GK5: variants seen among roughly 807,000 people sequenced by gnomAD.
The protein encoded by GK5 is ATP:glycerol 3-phosphotransferase 5.
A neutral mutation model predicts 77.3 loss-of-function variants in GK5; 39 were observed. The ratio of observed to expected loss-of-function variants is 0.50; its 90% CI spans 0.39 to 0.66. The LOEUF (loss-of-function observed/expected upper bound fraction) is 0.66. Ranked by LOEUF, GK5 falls within the 30% of genes least tolerant of loss-of-function variation. The pLI, the probability that GK5 is intolerant of heterozygous loss-of-function variation, is 0.00. For synonymous variants in GK5, 211 were observed against 208.0 expected (o/e 1.01, Z -0.13); for missense variants, 487 against 633.8 (o/e 0.77, Z 2.49).
At position 142,225,441 on chromosome 3, in the gene GK5, G is replaced by A. The variant is rs763208032; in HGVS notation, c.15C>T (p.Leu5=). Reference sequence around the variant, plus strand: ...CCTGCGCTCTCTGCTCCGGGTCCGTGAGCAGCCCCGACATCCCGATCCCGC... The same window carrying A: ...CCTGCGCTCTCTGCTCCGGGTCCGTAAGCAGCCCCGACATCCCGATCCCGC... MSGL[L]TDPEQRAQEP... The change falls in exon 1 of 16, where the codon CTC becomes CTT. Residue 5 remains leucine, a synonymous_variant. Transcript: ENST00000392993. 2.1e-5 allele frequency: 33 copies of A among 1,603,124 alleles called. 1 individual carries two copies. Among genetic ancestry groups the A allele is most frequent in the South Asian group, 2.0e-4 (18 of 89,680 alleles).
chr3:142,213,776 A>T (rs2064231431), intron 2 of GK5, among the ~76,000 whole-genome samples, 175 bp from the exon 3 acceptor site: 1 of 150,044 alleles, frequency 6.7e-6, no homozygotes, highest in Non-Finnish European at 1.5e-5. Flanking sequence ...ATTCTGCAGC[A>T]TTTTTTTTTT....
chr3:142,177,928 G>A (rs1018995319), intron 11 of GK5, among the ~76,000 whole-genome samples: 7 of 148,014 alleles, frequency 4.7e-5, no homozygotes, highest in African/African-American at 7.5e-5. Context: ...GCGCAATCTC[G>A]GCTCACCGCA....
intron 1 of GK5, among the ~76,000 whole-genome samples, chr3:142,222,497 G>A (rs1010512041): frequency 3.9e-5 from 6 of 152,028 alleles, no homozygotes; most frequent in Non-Finnish European, 7.4e-5. Flanking sequence ...GCCGGGAGGC[G>A]GAGCTTGCAG....
intron 11 of GK5, among the ~76,000 whole-genome samples, chr3:142,181,010 T>C (rs2063689933): frequency 6.6e-6 from 1 of 152,178 alleles, no homozygotes; most frequent in Non-Finnish European, 1.5e-5. Context: ...GCAAAAGCAC[T>C]GAAAACTGAA....
chr3:142,174,952 G>GA (rs1036858167), intron 12 of GK5, among the ~76,000 whole-genome samples: 1 of 152,184 alleles, frequency 6.6e-6, no homozygotes, highest in African/African-American at 2.4e-5. Context: ...AAAAGTGTAA[G>GA]AAAAATGATG....
Position 142,160,809 on chromosome 3 carries a change from C to A in GK5, c.*4813G>T, listed in dbSNP as rs74424138. 0.16 allele frequency: 24,294 copies of A among 151,546 alleles called. 2,431 individuals are homozygous for A. The highest frequency in any genetic ancestry group is 0.29 in the African/African-American group (11,854 of 41,320). 9.4% of individuals were successfully genotyped at this position (151,546 alleles called of 1,614,324 possible). A position where few individuals can be genotyped will look rare whatever the true frequency, so the allele number is the denominator to read the frequency against. On this transcript the variant is annotated 3_prime_UTR_variant, in exon 16 of 16. Transcript: ENST00000392993. ...TCATAGCTCATAGCACCCTCAAACT[C>A]CTGTGTTCAAGCGATTCTCCTGCTT...
chr3:142,213,512 C>T lies in GK5; in HGVS notation c.317+14G>A, dbSNP rs377305899. 2.4e-5 allele frequency: 37 copies of T among 1,529,014 alleles called. No individual in the cohort carries two copies. In the East Asian group the frequency reaches 7.9e-4, roughly 32 times the overall value. The allele number at this position is 1,529,014 out of a possible 1,614,324, so 94.7% of individuals were successfully genotyped here. On this transcript the variant is annotated intron_variant, in intron 3 of 15. Coordinates refer to ENST00000392993, the MANE Select transcript of GK5 (RefSeq NM_001039547.3). The stretch of plus-strand genomic sequence containing the variant: ...GAACCCAGCAGTAGGGTGCTTATCA[C>T]AGAATGTACTTACTTGTTCCACGTA...
At position 142,215,683 on chromosome 3, in the gene GK5, G is replaced by C; in HGVS notation, c.157C>G (p.Leu53Val). The change falls in exon 2 of 16, where the codon CTT (leucine) becomes GTT (valine). Residue 53 changes from leucine to valine, a missense_variant. By Grantham distance (32) the Leu-to-Val change is conservative. Coordinates refer to ENST00000392993, the MANE Select transcript of GK5 (RefSeq NM_001039547.3). ...CGSSVQKVEN[L>V]YPQIGWVEID... ...TCTACCCAGCCAATTTGAGGATAAAGATTTTCTACCTATTAAGGAAAAGAA... is the reference window on the plus strand; with the variant it reads ...TCTACCCAGCCAATTTGAGGATAAACATTTTCTACCTATTAAGGAAAAGAA... The C allele has an allele frequency of 6.5e-7, 1 of 1,550,184 alleles. No individual in the cohort carries two copies. Among genetic ancestry groups the C allele is most frequent in the Non-Finnish European group, 8.9e-7 (1 of 1,125,192 alleles).
At chr3:142,212,681 T>C (rs79087460) in intron 3 of GK5, among the ~76,000 whole-genome samples, 3,078 of 152,334 alleles carry the variant, frequency 0.02, 45 homozygotes, top group Non-Finnish European at 0.03. Flanking sequence ...TATTTCTCTG[T>C]AAAAACAGAT....
chr3:142,194,525 C>T (rs542596150), intron 5 of GK5, among the ~76,000 whole-genome samples: 144 of 145,028 alleles, frequency 9.9e-4, no homozygotes, highest in African/African-American at 2.4e-3. Flanking sequence ...GACTCCATCT[C>T]GAAAAAAAAA....
rs750444725 is a variant in GK5 at position 142,165,620 on chromosome 3, T to C, written c.*2A>G. On this transcript the variant is annotated 3_prime_UTR_variant, in exon 16 of 16. Coordinates refer to ENST00000392993, the MANE Select transcript of GK5 (RefSeq NM_001039547.3). ...CTATGGTTTTGATCATTTCATTTAG[T>C]GTTATGTCTTGTTATACCAATTCAT... 1.2e-5 allele frequency: 19 copies of C among 1,605,248 alleles called. No homozygotes were observed. Among genetic ancestry groups the C allele is most frequent in the Non-Finnish European group, 1.6e-5 (19 of 1,177,000 alleles).
chr3:142,185,548 T>C, intron 9 of GK5: 1 of 1,033,368 alleles, frequency 9.7e-7, no homozygotes. Context: ...TAACACTGTT[T>C]GTGGTTACAC....
intron 5 of GK5, among the ~76,000 whole-genome samples, chr3:142,191,595 TG>T (rs1370955132): frequency 6.6e-6 from 1 of 151,440 alleles, no homozygotes; most frequent in Non-Finnish European, 1.5e-5. Flanking sequence ...CCCAGTACTT[TG>T]GGAGGCCGAG....
intron 4 of GK5, chr3:142,204,353 A>AATATATAG (rs2064071173): frequency 2.9e-6 from 1 of 340,136 alleles, no homozygotes; most frequent in Admixed American, 4.2e-5. Context: ...AGTTATCTAT[A>AATATATAG]ATATCTCAAT....
chr3:142,185,605 TCA>T, intron 9 of GK5: 1 of 1,122,744 alleles, frequency 8.9e-7, no homozygotes, highest in Non-Finnish European at 1.1e-6. Context: ...GTGTTTTGTC[TCA>T]GAGTACCAAA....
chr3:142,223,366 T>C (rs1418102292), intron 1 of GK5, among the ~76,000 whole-genome samples: 1 of 152,252 alleles, frequency 6.6e-6, no homozygotes, highest in African/African-American at 2.4e-5. Context: ...GTTTTTGTGA[T>C]AAATACTCTT....
chr3:142,219,351 G>A (rs570847476), intron 1 of GK5, among the ~76,000 whole-genome samples: 74 of 152,240 alleles, frequency 4.9e-4, no homozygotes, highest in Non-Finnish European at 9.0e-4. Flanking sequence ...TTCAACAGGT[G>A]AATGAATGTA....
Position 142,160,781 on chromosome 3 carries a change from C to T in GK5, c.*4841G>A, listed in dbSNP as rs2063419506. The T allele has an allele frequency of 6.6e-6, 1 of 152,096 alleles. No individual in the cohort carries two copies. Among genetic ancestry groups the T allele is most frequent in the African/African-American group, 2.4e-5 (1 of 41,410 alleles). 9.4% of individuals were successfully genotyped at this position (152,096 alleles called of 1,614,324 possible). On this transcript the variant is annotated 3_prime_UTR_variant, in exon 16 of 16. Transcript: ENST00000392993. ...TTGCCCAGGCTGGAGTGCAGTGGCA[C>T]AATCATAGCTCATAGCACCCTCAAA...
At chr3:142,186,419 T>G (rs9857726) in intron 7 of GK5, 33 bp downstream of exon 7, 169,796 of 1,219,670 alleles carry the variant, frequency 0.14, 13,041 homozygotes, top group Admixed American at 0.21. Flanking sequence ...CACAAAAATG[T>G]GTGATTCAAA....
Sources: allele counts gnomAD v4.1 joint callset (sites outside exome capture counted in the v4.1 genomes callset), GRCh38; gene constraint gnomAD v4.1.1; transcripts MANE v1.5; gene names NCBI Gene and HGNC (gene_info 2026-07-23, HGNC 2026-07-21).